Variants in PALLD observed in about 807,000 individuals in gnomAD.
PALLD encodes the protein palladin.
A neutral mutation model predicts 123.5 loss-of-function variants in PALLD; 61 were observed. The ratio of observed to expected loss-of-function variants is 0.49; its 90% CI spans 0.40 to 0.61. The LOEUF (loss-of-function observed/expected upper bound fraction) is 0.61. Among genes scored for constraint, PALLD ranks in the 20% least tolerant of loss-of-function variants. PALLD has a pLI of 0.00. For synonymous variants in PALLD, 465 were observed against 496.4 expected, an observed-to-expected ratio of 0.94 and a Z score of 0.84; for missense variants, 1,273 against 1,377.0, an observed-to-expected ratio of 0.92 and a Z score of 1.20.
chr4:168,670,746 ACAAAAAAAAC>A (rs775830253), intron 3 of PALLD, among the ~76,000 whole-genome samples: 4 of 63,182 alleles, frequency 6.3e-5, no homozygotes, highest in African/African-American at 3.0e-4. Flanking sequence ...TCTCAAAAAA[ACAAAAAAAAC>A]AAAAAAAACA....
At chr4:168,834,217 T>A (rs1438210429) in intron 10 of PALLD, among the ~76,000 whole-genome samples, 1 of 152,016 alleles carries the variant, frequency 6.6e-6, no homozygotes. Context: ...GCAGCTTTAT[T>A]TTTATTGTGA....
chr4:168,645,574 T>G (rs1777367397), intron 2 of PALLD, among the ~76,000 whole-genome samples: 1 of 152,206 alleles, frequency 6.6e-6, no homozygotes, highest in Non-Finnish European at 1.5e-5. Context: ...TGGGCCTCAG[T>G]TTCCTCTTTC....
At position 168,888,405 on chromosome 4, in the gene PALLD, C is replaced by A. The variant is rs529105984; in HGVS notation, c.1965-2517C>A. Among the ~76,000 whole-genome samples the A allele has an allele frequency of 5.3e-5, 8 of 152,114 alleles. No homozygotes were observed. The East Asian group carries it at 9.6e-4, about 18-fold the overall frequency. On this transcript the variant is annotated intron_variant, in intron 10 of 21. Transcript: ENST00000505667. The stretch of plus-strand genomic sequence containing the variant: ...GAAACAAGTCTGGGGTAGGGTAGTT[C>A]CATGGTAGGTTAAGACAGTGCCCCC...
chr4:168,527,446 T>TAAAAAAAAAAA (rs1764178114), intron 2 of PALLD, among the ~76,000 whole-genome samples: 1 of 66,056 alleles, frequency 1.5e-5, no homozygotes, highest in Non-Finnish European at 2.9e-5. Context: ...AAAAAAAAAG[T>TAAAAAAAAAAA]CATGCTCATG....
chr4:168,540,014 G>A (rs1472743328), intron 2 of PALLD, among the ~76,000 whole-genome samples: 1 of 150,766 alleles, frequency 6.6e-6, no homozygotes, highest in Non-Finnish European at 1.5e-5. Context: ...CCATCTTTAT[G>A]TCCATGTCAT....
rs73863954 is a variant in PALLD at position 168,564,255 on chromosome 4, C to A, written c.908+51843C>A. 5.8e-4 allele frequency among the ~76,000 whole-genome samples: 89 copies of A among 152,248 alleles called. 3 individuals carry two copies. In the South Asian group the frequency reaches 0.012, roughly 21 times the overall value. On this transcript the variant is annotated intron_variant, in intron 2 of 21. Coordinates refer to ENST00000505667, the MANE Select transcript of PALLD (RefSeq NM_001166108.2). The stretch of plus-strand genomic sequence containing the variant: ...TAATAAAGCCAGTGCTTCTTAGAGG[C>A]GAGGTGAGGTTAGATAAGGTCACGT...
At chr4:168,812,513 A>C (rs1243911424) in intron 10 of PALLD, among the ~76,000 whole-genome samples, 2 of 152,234 alleles carry the variant, frequency 1.3e-5, no homozygotes, top group African/African-American at 4.8e-5. Context: ...TTAGCAAAGA[A>C]GCCTCCAGGA....
In PALLD at chr4:168,916,031, A is replaced by C. The variant is rs745655806; in HGVS notation, c.2850+4A>C. 6.2e-7 allele frequency: 1 copy of C among 1,613,124 alleles called. No individual in the cohort carries two copies. Among genetic ancestry groups the C allele is most frequent in the Non-Finnish European group, 8.5e-7 (1 of 1,179,532 alleles). ...ACTCTGCAGAATGGACTGCAAAGTAAGATTTTGTTATTGCTTGCATATCCT... is the reference window on the plus strand; with the variant it reads ...ACTCTGCAGAATGGACTGCAAAGTACGATTTTGTTATTGCTTGCATATCCT... On this transcript the variant is annotated splice_donor_region_variant and intron_variant, in intron 17 of 21. Transcript: ENST00000505667.
intron 10 of PALLD, among the ~76,000 whole-genome samples, chr4:168,790,090 A>C (rs1231770994): frequency 6.6e-6 from 1 of 151,888 alleles, no homozygotes; most frequent in African/African-American, 2.4e-5. Flanking sequence ...TGTGTAGGGC[A>C]GCAGGAGGCC....
chr4:168,557,842 T>C (rs558614095), intron 2 of PALLD, among the ~76,000 whole-genome samples: 1 of 152,194 alleles, frequency 6.6e-6, no homozygotes, highest in African/African-American at 2.4e-5. Flanking sequence ...AGCAGGGGGA[T>C]TCCCTCCTGC....
chr4:168,782,155 G>A (rs1240917412), intron 10 of PALLD, among the ~76,000 whole-genome samples: 4 of 152,168 alleles, frequency 2.6e-5, no homozygotes, highest in African/African-American at 7.2e-5. Flanking sequence ...TAGTACAACC[G>A]TGTGACACAT....
At chr4:168,722,847 C>T (rs1036329425) in intron 10 of PALLD, among the ~76,000 whole-genome samples, 7 of 151,992 alleles carry the variant, frequency 4.6e-5, no homozygotes, top group African/African-American at 1.7e-4. Flanking sequence ...TCAGCCAAGC[C>T]GTGTGTAGGT....
At chr4:168,858,412 T>C (rs772703020) in intron 10 of PALLD, among the ~76,000 whole-genome samples, 1 of 152,220 alleles carries the variant, frequency 6.6e-6, no homozygotes, top group African/African-American at 2.4e-5. Flanking sequence ...CATTGTAATC[T>C]CTTTAATTTG....
intron 10 of PALLD, among the ~76,000 whole-genome samples, chr4:168,880,868 A>G (rs192288650): frequency 1.3e-5 from 2 of 152,320 alleles, no homozygotes; most frequent in Non-Finnish European, 2.9e-5. Flanking sequence ...TGTTTTACCA[A>G]AATCTTAAAT....
chr4:168,907,949 CAT>C (rs1306479597), intron 15 of PALLD, among the ~76,000 whole-genome samples: 2 of 152,156 alleles, frequency 1.3e-5, no homozygotes, highest in Non-Finnish European at 2.9e-5. Flanking sequence ...ACACTCCCAG[CAT>C]CTTAAGGGGT....
intron 10 of PALLD, among the ~76,000 whole-genome samples, chr4:168,889,976 C>T (rs988547636): frequency 3.9e-5 from 6 of 152,074 alleles, no homozygotes; most frequent in African/African-American, 7.2e-5. Context: ...TTTTTTTCAC[C>T]GGAACTTTGT....
intron 8 of PALLD, among the ~76,000 whole-genome samples, chr4:168,698,084 G>A (rs1783317386): frequency 6.6e-6 from 1 of 152,142 alleles, no homozygotes; most frequent in Non-Finnish European, 1.5e-5. Context: ...GGATGGAACT[G>A]GAGCTCATTA....
chr4:168,565,023 CAA>C (rs761594759), intron 2 of PALLD, among the ~76,000 whole-genome samples: 11,824 of 115,870 alleles, frequency 0.1, 588 homozygotes, highest in South Asian at 0.23. Flanking sequence ...CCATCTCTAC[CAA>C]AAAAAAAAAA....
At chr4:168,727,153 T>A (rs1786672925) in intron 10 of PALLD, among the ~76,000 whole-genome samples, 1 of 152,246 alleles carries the variant, frequency 6.6e-6, no homozygotes, top group South Asian at 2.1e-4. Context: ...TGACTCTATG[T>A]CTTTGCTACT....
Sources: allele counts gnomAD v4.1 joint callset (sites outside exome capture counted in the v4.1 genomes callset), GRCh38; gene constraint gnomAD v4.1.1; transcripts MANE v1.5; gene names NCBI Gene and HGNC (gene_info 2026-07-23, HGNC 2026-07-21).